The following OPHN1 variants were observed in gnomAD, a reference collection of about 807,000 sequenced individuals.
OPHN1 encodes oligophrenin 1, also known as oligophrenin-1.
Under a neutral mutation model 60.7 loss-of-function variants are expected in OPHN1, and 11 were observed. The observed-to-expected ratio is 0.18, with a 90% CI of 0.11 to 0.30. The LOEUF is 0.30. Ranked by LOEUF, OPHN1 falls within the 10% of genes least tolerant of loss-of-function variation. The pLI, the probability that OPHN1 is intolerant of heterozygous loss-of-function variation, is 1.00. For synonymous variants in OPHN1, 226 were observed against 222.6 expected, an observed-to-expected ratio of 1.02 and a Z score of -0.14; for missense variants, 449 against 611.0, an observed-to-expected ratio of 0.73 and a Z score of 2.80.
chrX:68,217,209 C>T (rs957448582), intron 6 of OPHN1, among the ~76,000 whole-genome samples: 6 of 111,826 alleles, frequency 5.4e-5, no homozygotes, highest in Non-Finnish European at 1.1e-4. Flanking sequence ...CCGAATACTG[C>T]GCTTTTCCGA....
intron 15 of OPHN1, among the ~76,000 whole-genome samples, chrX:68,121,662 T>C (rs891886392): frequency 1.4e-4 from 15 of 109,343 alleles, no homozygotes; most frequent in African/African-American, 5.0e-4. Flanking sequence ...TCAGAGCCAG[T>C]GAATTTGGGA....
chrX:68,385,363 A>G (rs780187723), intron 2 of OPHN1, among the ~76,000 whole-genome samples: 7 of 111,899 alleles, frequency 6.3e-5, no homozygotes, highest in Non-Finnish European at 9.4e-5. Flanking sequence ...CAGACAAACA[A>G]TGAAGAACTA....
intron 20 of OPHN1, among the ~76,000 whole-genome samples, chrX:68,064,469 A>G (rs1421845281): frequency 8.9e-6 from 1 of 112,125 alleles, no homozygotes; most frequent in East Asian, 2.8e-4. Flanking sequence ...TATGTCACTC[A>G]AAAAAGACTT....
In OPHN1 at chrX:68,044,159, C is replaced by G. The variant is rs1172176644; in HGVS notation, c.*3013G>C. ...TTCCATATAAACTGAACCTGCACCC[C>G]CTCCCTCCTTCAAATGTTTGCCTTT... On this transcript the variant is annotated 3_prime_UTR_variant, in exon 25 of 25. Coordinates refer to ENST00000355520, the MANE Select transcript of OPHN1 (RefSeq NM_002547.3). 8.9e-6 allele frequency: 1 copy of G among 112,153 alleles called. No individual in the cohort carries two copies. The highest frequency in any genetic ancestry group is 3.2e-5 in the African/African-American group (1 of 30,825). 9.2% of individuals were successfully genotyped at this position (112,153 alleles called of 1,213,427 possible).
chrX:68,419,538 ATTT>A (rs201633101), intron 2 of OPHN1, among the ~76,000 whole-genome samples: 5 of 84,900 alleles, frequency 5.9e-5, no homozygotes, highest in African/African-American at 1.3e-4. Flanking sequence ...CTCCTTAACA[ATTT>A]TTTTTTTTTT....
At chrX:68,250,996 C>G (rs1011134364) in intron 5 of OPHN1, among the ~76,000 whole-genome samples, 1 of 110,170 alleles carries the variant, frequency 9.1e-6, no homozygotes, top group Non-Finnish European at 1.9e-5. Flanking sequence ...GCAAAAAGCA[C>G]TTACTCTGCC....
intron 19 of OPHN1, among the ~76,000 whole-genome samples, chrX:68,090,299 T>C (rs1251117181): frequency 2.8e-5 from 3 of 108,876 alleles, no homozygotes; most frequent in Non-Finnish European, 5.7e-5. Context: ...TAGAGATACA[T>C]TCTAAAATAC....
Position 68,433,477 on chromosome X carries a change from G to A in OPHN1, c.-314C>T. The A allele has an allele frequency of 3.6e-6, 1 of 277,325 alleles. No individual in the cohort carries two copies. The highest frequency in any genetic ancestry group is 6.3e-6 in the Non-Finnish European group (1 of 157,652). 22.9% of individuals were successfully genotyped at this position (277,325 alleles called of 1,213,427 possible). ...CTCTCTACAGGCTCCTCGCTCCGGA[G>A]CGAGCGGAAGACTTCCTTGGCCGAA... On this transcript the variant is annotated 5_prime_UTR_variant, in exon 1 of 25. Transcript: ENST00000355520.
intron 15 of OPHN1, among the ~76,000 whole-genome samples, chrX:68,172,885 A>G (rs760884370): frequency 1.8e-5 from 2 of 111,307 alleles, no homozygotes; most frequent in Non-Finnish European, 3.8e-5. Flanking sequence ...ATTATCCTTG[A>G]CAGTTTCCAG....
At chrX:68,213,786 T>G (rs2077595927) in intron 7 of OPHN1, 76 bp downstream of exon 7, 1 of 629,267 alleles carries the variant, frequency 1.6e-6, no homozygotes, top group Admixed American at 2.6e-5. Flanking sequence ...GGATTCTGTT[T>G]TTATGATCAA....
chrX:68,127,512 G>T (rs2077176665), intron 15 of OPHN1, among the ~76,000 whole-genome samples: 1 of 111,741 alleles, frequency 8.9e-6, no homozygotes, highest in South Asian at 3.8e-4. Context: ...ATTTCCATGT[G>T]AATCAACCAT....
chrX:68,205,355 G>C (rs2077553235), intron 10 of OPHN1, among the ~76,000 whole-genome samples: 1 of 111,232 alleles, frequency 9.0e-6, no homozygotes, highest in South Asian at 3.8e-4. Context: ...GGCTGAGGCA[G>C]GAGAATCGCT....
intron 22 of OPHN1, among the ~76,000 whole-genome samples, chrX:68,052,948 T>G: frequency 8.9e-6 from 1 of 112,564 alleles, no homozygotes; most frequent in South Asian, 3.7e-4. Flanking sequence ...GTTCTTCTTT[T>G]TCTCCAATTT....
intron 5 of OPHN1, among the ~76,000 whole-genome samples, chrX:68,252,970 G>T (rs1167160286): frequency 8.1e-5 from 9 of 110,621 alleles, no homozygotes; most frequent in Non-Finnish European, 1.1e-4. Context: ...CTCGAAGATT[G>T]CTGTGCCTGG....
intron 6 of OPHN1, among the ~76,000 whole-genome samples, chrX:68,229,849 A>G (rs1254419585): frequency 2.7e-5 from 3 of 111,991 alleles, no homozygotes; most frequent in Non-Finnish European, 5.6e-5. Context: ...GGACATAGGC[A>G]TGGGCAAGGA....
intron 2 of OPHN1, among the ~76,000 whole-genome samples, chrX:68,341,973 T>G (rs1007512233): frequency 4.0e-5 from 4 of 99,586 alleles, no homozygotes; most frequent in African/African-American, 1.1e-4. Context: ...TTGGTGTTTT[T>G]TTTTTTTTTT....
intron 2 of OPHN1, among the ~76,000 whole-genome samples, chrX:68,420,160 G>A (rs912267594): frequency 1.8e-5 from 2 of 111,450 alleles, no homozygotes; most frequent in South Asian, 3.8e-4. Flanking sequence ...GTGTACAGAC[G>A]GCTACTTCCG....
chrX:68,051,802 G>C (rs2076852855), intron 23 of OPHN1, among the ~76,000 whole-genome samples: 1 of 112,463 alleles, frequency 8.9e-6, no homozygotes, highest in African/African-American at 3.2e-5. Context: ...ATATGTGCTT[G>C]TGAGAGAGAA....
At chrX:68,194,747 T>C (rs2077503326) in intron 12 of OPHN1, among the ~76,000 whole-genome samples, 1 of 110,386 alleles carries the variant, frequency 9.1e-6, no homozygotes, top group Non-Finnish European at 1.9e-5. Flanking sequence ...GGCAGGCAGA[T>C]CACTTGAGGT....
Sources: gnomAD v4.1 joint callset for allele counts (sites outside exome capture counted in the v4.1 genomes callset) on GRCh38, gnomAD v4.1.1 for gene constraint, MANE v1.5 for transcripts, NCBI Gene and HGNC (gene_info 2026-07-23, HGNC 2026-07-21) for gene names.